LRP2: variants seen among roughly 807,000 people sequenced by gnomAD.
LRP2 encodes the protein low-density lipoprotein receptor-related protein 2.
In LRP2, 172 loss-of-function variants were observed where a neutral mutation model predicts 531.0. The observed-to-expected ratio is 0.32, with a 90% CI of 0.29 to 0.37. LRP2 has a LOEUF of 0.37. Among genes scored for constraint, LRP2 ranks in the 10% least tolerant of loss-of-function variants. The pLI is 1.00. For synonymous variants in LRP2, 1,992 were observed against 2,027.6 expected (o/e 0.98, Z 0.47); for missense variants, 5,167 against 5,868.3 (o/e 0.88, Z 3.90).
At chr2:169,347,966 GACTATCTTCC>G (rs1685739077) in intron 1 of LRP2, among the ~76,000 whole-genome samples, 1 of 152,142 alleles carries the variant, frequency 6.6e-6, no homozygotes, top group Non-Finnish European at 1.5e-5. Flanking sequence ...ACGTACAGAG[GACTATCTTCC>G]ACTTGCTCCA....
intron 1 of LRP2, among the ~76,000 whole-genome samples, chr2:169,327,188 G>T (rs1308886124): frequency 5.8e-5 from 8 of 138,550 alleles, no homozygotes; most frequent in Non-Finnish European, 7.8e-5. Flanking sequence ...GAGGTGGGGG[G>T]GTCAGCCCCC....
At chr2:169,192,765 A>C (rs1260672562) in intron 47 of LRP2, among the ~76,000 whole-genome samples, 1 of 152,204 alleles carries the variant, frequency 6.6e-6, no homozygotes, top group African/African-American at 2.4e-5. Context: ...TGATGTTGGT[A>C]AAGACAGGTG....
chr2:169,136,622 C>T (rs1347039770), intron 76 of LRP2, among the ~76,000 whole-genome samples: 1 of 146,226 alleles, frequency 6.8e-6, no homozygotes, highest in Non-Finnish European at 1.5e-5. Flanking sequence ...CAAAAACTCC[C>T]CCCCACTGAG....
In LRP2 at chr2:169,139,378, A is replaced by G. The variant is rs759651231; in HGVS notation, c.13268-7T>C. The G allele has an allele frequency of 1.5e-5, 25 of 1,614,030 alleles. No homozygotes were observed. Among genetic ancestry groups the G allele is most frequent in the Non-Finnish European group, 1.9e-5 (23 of 1,180,032 alleles). On this transcript the variant is annotated splice_polypyrimidine_tract_variant and splice_region_variant and intron_variant, in intron 73 of 78. Coordinates refer to ENST00000649046, the MANE Select transcript of LRP2 (RefSeq NM_004525.3). The stretch of plus-strand genomic sequence containing the variant: ...AACAGCACAGCTACTGCGGCTATAG[A>G]AGAAGATAGCAGAGAGCACATCAAC...
At chr2:169,254,421 C>G (rs1325588264) in intron 19 of LRP2, among the ~76,000 whole-genome samples, 1 of 72,518 alleles carries the variant, frequency 1.4e-5, no homozygotes, top group African/African-American at 7.0e-5. Flanking sequence ...CATATTCTCA[C>G]TCATAGGTGG....
chr2:169,303,915 T>A (rs991629498), intron 4 of LRP2, among the ~76,000 whole-genome samples: 7 of 152,098 alleles, frequency 4.6e-5, no homozygotes, highest in Non-Finnish European at 8.8e-5. Flanking sequence ...TAAATTTTTT[T>A]AAATAAAAAA....
chr2:169,335,075 G>A (rs1030796298), intron 1 of LRP2, among the ~76,000 whole-genome samples: 1 of 152,090 alleles, frequency 6.6e-6, no homozygotes, highest in Non-Finnish European at 1.5e-5. Flanking sequence ...TTCGGTCAAG[G>A]GCAAGAGTGA....
Position 169,187,986 on chromosome 2 carries a change from G to T in LRP2, c.9312C>A (p.Ser3104Arg). ...TGTACTCACCACAGCCTTTCTCATC[G>T]CTGTTGTCCAAACAGTCATCTAGGT... ...CNHLDDCLDN[S>R]DEKGCGINEC... Residue 3104 changes from serine (S) to arginine (R), a missense_variant, in exon 49 of 79, where the codon AGC (serine) becomes AGA (arginine). This residue lies in a region of LRP2 where 1,129 missense variants were observed against 1,362.7 expected (regional missense o/e 0.83). Coordinates refer to ENST00000649046, the MANE Select transcript of LRP2 (RefSeq NM_004525.3). 6.2e-7 allele frequency: 1 copy of T among 1,613,934 alleles called. No homozygotes were observed.
intron 45 of LRP2, among the ~76,000 whole-genome samples, chr2:169,198,046 T>C (rs1688063614): frequency 6.6e-6 from 1 of 152,216 alleles, no homozygotes; most frequent in African/African-American, 2.4e-5. Flanking sequence ...CAGGAAATTG[T>C]TTGAATGAAC....
chr2:169,327,287 C>T (rs1441995064), intron 1 of LRP2, among the ~76,000 whole-genome samples: 2 of 98,454 alleles, frequency 2.0e-5, no homozygotes, highest in African/African-American at 7.5e-5. Context: ...CCCCGCCCGG[C>T]CAGCCGCCCC....
intron 33 of LRP2, among the ~76,000 whole-genome samples, chr2:169,222,270 C>A (rs916495050): frequency 6.6e-6 from 1 of 152,100 alleles, no homozygotes; most frequent in Non-Finnish European, 1.5e-5. Flanking sequence ...AGGGAAACAG[C>A]GCTCTGTATT....
chr2:169,146,630 T>C, intron 69 of LRP2, 109 bp downstream of exon 69: 1 of 900,548 alleles, frequency 1.1e-6, no homozygotes, highest in African/African-American at 1.7e-5. Flanking sequence ...TCTAAAAAAC[T>C]ATATAAGCCA....
intron 31 of LRP2, among the ~76,000 whole-genome samples, chr2:169,227,946 C>T (rs1255674132): frequency 1.3e-5 from 2 of 152,162 alleles, no homozygotes; most frequent in African/African-American, 4.8e-5. Context: ...GAGATGGACC[C>T]TGGCTCATTC....
At chr2:169,264,125 G>A (rs1690692422) in intron 16 of LRP2, among the ~76,000 whole-genome samples, 1 of 152,004 alleles carries the variant, frequency 6.6e-6, no homozygotes, top group South Asian at 2.1e-4. Flanking sequence ...GGATAGCATT[G>A]GGAGATATAA....
At chr2:169,275,004 C>T (rs1232567128) in intron 14 of LRP2, 32 bp downstream of exon 14, 1 of 1,601,878 alleles carries the variant, frequency 6.2e-7, no homozygotes, top group Non-Finnish European at 8.6e-7. Context: ...AAGTCCGGTA[C>T]CAAGCATGGT....
In LRP2 at chr2:169,277,816, T is replaced by C. The variant is rs911352676; in HGVS notation, c.1701A>G (p.Ile567Met). Residue 567 changes from isoleucine to methionine, a missense_variant, in exon 13 of 79, where the codon ATA becomes ATG. Ile to Met is a conservative substitution (Grantham distance 10). This residue lies in a region of LRP2 where 2,811 missense variants were observed against 3,058.0 expected (regional missense o/e 0.92). Coordinates refer to ENST00000649046, the MANE Select transcript of LRP2 (RefSeq NM_004525.3). Reference protein sequence around the residue: ...GWPAGVTLDMISKRVYWVDSR... With the variant: ...GWPAGVTLDMMSKRVYWVDSR... The stretch of plus-strand genomic sequence containing the variant: ...AGTCAACCCAGTAAACACGCTTCGA[T>C]ATCATATCCAGAGTTACCCCAGCAG... 5 of 1,614,032 alleles carry C rather than the reference T, an allele frequency of 3.1e-6. No homozygotes were observed. The highest frequency in any genetic ancestry group is 1.1e-5 in the South Asian group (1 of 91,080).
intron 70 of LRP2, among the ~76,000 whole-genome samples, chr2:169,145,198 T>C (rs1450655147): frequency 6.6e-6 from 1 of 152,236 alleles, no homozygotes; most frequent in African/African-American, 2.4e-5. Context: ...CCTTTCATCT[T>C]GCTCCACACA....
Position 169,212,146 on chromosome 2 carries a change from C to G in LRP2, c.6102G>C (p.Leu2034=). 1 of 1,614,040 alleles carries G rather than the reference C, an allele frequency of 6.2e-7. No individual in the cohort carries two copies. Among genetic ancestry groups the G allele is most frequent in the East Asian group, 2.2e-5 (1 of 44,882 alleles). The change falls in exon 37 of 79, where the codon CTG becomes CTC. Residue 2034 remains leucine (L), a synonymous_variant. Coordinates refer to ENST00000649046, the MANE Select transcript of LRP2 (RefSeq NM_004525.3). Reference sequence around the variant, plus strand: ...AGGAAAACAATCCTCCTGGTACAGGCAGGCAAATCTGCTGACAGGCATTCA... The same window carrying G: ...AGGAAAACAATCCTCCTGGTACAGGGAGGCAAATCTGCTGACAGGCATTCA... ...NNMNACQQIC[L]PVPGGLFSCA...
At chr2:169,172,369 A>G (rs993318052) in intron 57 of LRP2, among the ~76,000 whole-genome samples, 4 of 152,226 alleles carry the variant, frequency 2.6e-5, no homozygotes, top group African/African-American at 9.6e-5. Flanking sequence ...AAAGAATGAA[A>G]TGGTATCTGG....
Sources: allele counts gnomAD v4.1 joint callset (sites outside exome capture counted in the v4.1 genomes callset), GRCh38; gene constraint gnomAD v4.1.1; regional missense constraint gnomAD v4.1.1; transcripts MANE v1.5; gene names NCBI Gene and HGNC (gene_info 2026-07-23, HGNC 2026-07-21).